GEN1: variants seen among roughly 807,000 people sequenced by gnomAD.
The protein encoded by GEN1 is flap endonuclease GEN homolog 1.
In GEN1, 64 loss-of-function variants were observed where a neutral mutation model predicts 67.6. That is an observed-to-expected ratio of 0.95 (90% confidence interval 0.77 to 1.17). The LOEUF (loss-of-function observed/expected upper bound fraction) is 1.17, where lower values mean the gene tolerates loss of function less well. Among genes scored for constraint, GEN1 ranks in the 50% most tolerant of loss-of-function variants. The probability of loss-of-function intolerance (pLI) is 0.00; values close to 1 mark genes in which losing one functional copy is unlikely to be tolerated. For synonymous variants in GEN1, 371 were observed against 359.4 expected, an observed-to-expected ratio of 1.03 and a Z score of -0.37; for missense variants, 1,058 against 1,048.3, an observed-to-expected ratio of 1.01 and a Z score of -0.13.
intron 7 of GEN1, among the ~76,000 whole-genome samples, chr2:17,771,666 T>C (rs1253839312): frequency 6.6e-6 from 1 of 152,086 alleles, no homozygotes; most frequent in Non-Finnish European, 1.5e-5. Flanking sequence ...ATTTATCTAC[T>C]TAAATGATTC....
In GEN1 at chr2:17,772,624, C is replaced by T. The variant is rs757283045; in HGVS notation, c.803-10C>T. On this transcript the variant is annotated splice_polypyrimidine_tract_variant and intron_variant, in intron 7 of 13. Coordinates refer to ENST00000381254, the MANE Select transcript of GEN1 (RefSeq NM_001130009.3). ...AAAAAATATTATACTTTTTTTGGGT[C>T]TCCATAAAGGTTCACCTAAGGATCA... 6.3e-7 allele frequency: 1 copy of T among 1,575,866 alleles called. No homozygotes were observed. The highest frequency in any genetic ancestry group is 2.0e-5 in the Admixed American group (1 of 50,302).
At chr2:17,766,784 A>G in intron 5 of GEN1, 95 bp downstream of exon 5, 4 of 615,600 alleles carry the variant, frequency 6.5e-6, no homozygotes, top group Non-Finnish European at 1.1e-5. Context: ...CTATATGATT[A>G]AAAATCGAAT....
chr2:17,774,571 T>C, intron 11 of GEN1, 170 bp downstream of exon 11: 1 of 366,264 alleles, frequency 2.7e-6, no homozygotes, highest in Non-Finnish European at 5.0e-6. Flanking sequence ...AGTCATGCTT[T>C]ATCATACTTT....
Position 17,774,268 on chromosome 2 carries a change from TAG to T in GEN1, c.1073_1074del. ...TCTTGTTTTATTTTTATTATATTTA[TAG>T]AGATTTACTCTTGAAAAAATGGAGT... On this transcript the variant is annotated splice_acceptor_variant, in intron 10 of 13. Coordinates refer to ENST00000381254, the MANE Select transcript of GEN1 (RefSeq NM_001130009.3). LOFTEE classifies it high-confidence loss of function. 1 of 1,507,058 alleles carries T rather than the reference TAG, an allele frequency of 6.6e-7. No individual in the cohort carries two copies. Among genetic ancestry groups the T allele is most frequent in the Non-Finnish European group, 9.0e-7 (1 of 1,110,836 alleles). The allele number at this position is 1,507,058 out of a possible 1,614,324, so 93.4% of individuals were successfully genotyped here.
intron 2 of GEN1, among the ~76,000 whole-genome samples, chr2:17,761,086 G>C (rs891393375): frequency 6.6e-6 from 1 of 151,920 alleles, no homozygotes; most frequent in Non-Finnish European, 1.5e-5. Flanking sequence ...CAGAAAATTA[G>C]CCGGGCATGG....
At chr2:17,756,787 AT>A (rs1671453080) in intron 1 of GEN1, among the ~76,000 whole-genome samples, 2 of 152,174 alleles carry the variant, frequency 1.3e-5, no homozygotes, top group Non-Finnish European at 2.9e-5. Context: ...CATCACATTG[AT>A]TATGACCTCA....
At position 17,772,700 on chromosome 2, in the gene GEN1, A is replaced by G. The variant is rs973291253; in HGVS notation, c.869A>G (p.His290Arg). 1.2e-6 allele frequency: 2 copies of G among 1,612,348 alleles called. No homozygotes were observed. Among genetic ancestry groups the G allele is most frequent in the Non-Finnish European group, 1.7e-6 (2 of 1,178,748 alleles). The part of the protein sequence containing the change: ...LCKSDKYCEP[H>R]DYEYCCPCEW... ...AAAAGTGATAAATATTGTGAGCCAC[A>G]TGACTATGAATACTGCTGTCCTTGT... Residue 290 changes from histidine (H) to arginine (R), a missense_variant, in exon 8 of 14, where the codon CAT becomes CGT. Physicochemically the swap from His to Arg is conservative, Grantham distance 29. Coordinates refer to ENST00000381254, the MANE Select transcript of GEN1 (RefSeq NM_001130009.3).
At position 17,770,835 on chromosome 2, in the gene GEN1, G is replaced by C. The variant is rs1166441688; in HGVS notation, c.711-361G>C. 2.6e-5 allele frequency among the ~76,000 whole-genome samples: 4 copies of C among 151,440 alleles called. No homozygotes were observed. In the East Asian group the frequency reaches 5.8e-4, roughly 22 times the overall value. On this transcript the variant is annotated intron_variant, in intron 6 of 13. Coordinates refer to ENST00000381254, the MANE Select transcript of GEN1 (RefSeq NM_001130009.3). Reference sequence around the variant, plus strand: ...ATTCTGTTTTGTACTCTGGCACACAGAGTCAGTCTGCTCACATACTGCTGC... The same window carrying C: ...ATTCTGTTTTGTACTCTGGCACACACAGTCAGTCTGCTCACATACTGCTGC...
chr2:17,773,277 G>C lies in GEN1; in HGVS notation c.1049G>C (p.Arg350Thr). The C allele has an allele frequency of 6.3e-7, 1 of 1,592,764 alleles. No individual in the cohort carries two copies. Among genetic ancestry groups the C allele is most frequent in the Non-Finnish European group, 8.6e-7 (1 of 1,165,170 alleles). The stretch of plus-strand genomic sequence containing the variant: ...TTGGTGAAGGTTATCAGGTACCAAA[G>C]ACCTGATTTGTTATTGTTTCAGGTA... ...DKLVKVIRYQ[R>T]PDLLLFQRFT... Residue 350 changes from arginine (R) to threonine (T), a missense_variant, in exon 10 of 14, where the codon AGA becomes ACA. Transcript: ENST00000381254.
chr2:17,778,812 A>T (rs1672682151), intron 12 of GEN1, among the ~76,000 whole-genome samples: 1 of 151,924 alleles, frequency 6.6e-6, no homozygotes, highest in Admixed American at 6.6e-5. Flanking sequence ...TTTCAGTGGG[A>T]ATTTTTTATT....
chr2:17,767,160 G>A (rs746263661), intron 5 of GEN1, among the ~76,000 whole-genome samples: 21 of 152,082 alleles, frequency 1.4e-4, no homozygotes, highest in Non-Finnish European at 2.8e-4. Flanking sequence ...GCGTTGTGCT[G>A]GGTTTTGTTC....
chr2:17,759,879 G>A, intron 1 of GEN1, 50 bp from the exon 2 acceptor site: 1 of 1,478,674 alleles, frequency 6.8e-7, no homozygotes, highest in Middle Eastern at 1.7e-4. Context: ...TTCCTGTTAT[G>A]AGCTTCTGTT....
intron 11 of GEN1, among the ~76,000 whole-genome samples, chr2:17,776,554 G>A (rs961152960): frequency 7.2e-5 from 11 of 152,144 alleles, no homozygotes; most frequent in African/African-American, 9.7e-5. Flanking sequence ...CTCAGTAAAA[G>A]TATGTGAGTA....
intron 10 of GEN1, 67 bp downstream of exon 10, chr2:17,773,366 A>G: frequency 1.0e-6 from 1 of 967,270 alleles, no homozygotes; most frequent in Non-Finnish European, 1.6e-6. Flanking sequence ...ACAGATATTC[A>G]CTCTGATTGG....
rs1671275771 is a variant in GEN1 at position 17,754,184 on chromosome 2, C to G, written c.-177C>G. The G allele has an allele frequency of 6.6e-6, 1 of 151,920 alleles. No individual in the cohort carries two copies. Among genetic ancestry groups the G allele is most frequent in the African/African-American group, 2.4e-5 (1 of 41,338 alleles). 9.4% of individuals were successfully genotyped at this position (151,920 alleles called of 1,614,324 possible). On this transcript the variant is annotated 5_prime_UTR_variant, in exon 1 of 14. Coordinates refer to ENST00000381254, the MANE Select transcript of GEN1 (RefSeq NM_001130009.3). Reference sequence around the variant, plus strand: ...GGTGCTCCTGGGCCTGGCGGTTGAGCCCGGGGAGCTAGTCTTTGCTTGGGT... The same window carrying G: ...GGTGCTCCTGGGCCTGGCGGTTGAGGCCGGGGAGCTAGTCTTTGCTTGGGT...
intron 7 of GEN1, among the ~76,000 whole-genome samples, chr2:17,772,357 T>G (rs1306292586): frequency 1.3e-5 from 2 of 152,078 alleles, no homozygotes; most frequent in African/African-American, 4.8e-5. Flanking sequence ...TTATTGTAAA[T>G]GTATAATTTC....
chr2:17,770,967 A>G (rs1672158472), intron 6 of GEN1: 1 of 539,450 alleles, frequency 1.9e-6, no homozygotes, highest in Non-Finnish European at 3.4e-6. Flanking sequence ...AGATACACAC[A>G]CACATATACT....
intron 3 of GEN1, among the ~76,000 whole-genome samples, chr2:17,764,010 T>C (rs535870385): frequency 2.6e-5 from 4 of 152,286 alleles, no homozygotes; most frequent in Non-Finnish European, 5.9e-5. Context: ...TAGAGAATGA[T>C]ACATGACAAA....
intron 4 of GEN1, among the ~76,000 whole-genome samples, chr2:17,765,834 T>G (rs1671903146): frequency 6.6e-6 from 1 of 152,156 alleles, no homozygotes; most frequent in Non-Finnish European, 1.5e-5. Context: ...AAAACGTAAT[T>G]AACAATAAAT....
Sources: allele counts gnomAD v4.1 joint callset (sites outside exome capture counted in the v4.1 genomes callset), GRCh38; gene constraint gnomAD v4.1.1; transcripts MANE v1.5; gene names NCBI Gene and HGNC (gene_info 2026-07-23, HGNC 2026-07-21).